SLC19A1: variants seen among roughly 807,000 people sequenced by gnomAD.
The protein encoded by SLC19A1 is solute carrier family 19 member 1.
SLC19A1 carries 37 observed loss-of-function variants against 35.3 expected under a neutral mutation model. The ratio of observed to expected loss-of-function variants is 1.05; its 90% CI spans 0.81 to 1.38. The LOEUF (loss-of-function observed/expected upper bound fraction) is 1.38. Among genes scored for constraint, SLC19A1 ranks in the 40% most tolerant of loss-of-function variants. SLC19A1 has a pLI of 0.00. For missense variants in SLC19A1, 831 were observed against 826.9 expected, an observed-to-expected ratio of 1.00 and a Z score of -0.06; for synonymous variants, 460 against 398.5, an observed-to-expected ratio of 1.15 and a Z score of -1.84.
chr21:45,504,571 G>C lies in SLC19A1; in HGVS notation c.498-5959C>G, dbSNP rs547229026. ...CTGGGATTCCAGTAAGTCCCAGCCT[G>C]TGCAGGCAGAGCCCATGTCCCAGGG... On this transcript the variant is annotated intron_variant, in intron 3 of 4. Coordinates refer to the SLC19A1 transcript ENST00000417954. 1.2e-5 allele frequency: 19 copies of C among 1,564,378 alleles called. No homozygotes were observed. Among genetic ancestry groups the C allele is most frequent in the East Asian group, 2.4e-5 (1 of 41,900 alleles).
intron 1 of SLC19A1, among the ~76,000 whole-genome samples, chr21:45,541,229 C>G (rs867307159): frequency 3.3e-5 from 5 of 152,230 alleles, no homozygotes; most frequent in Admixed American, 6.5e-5. Context: ...GGAAAGAAAG[C>G]AATTAGCAAT....
chr21:45,546,822 C>G (rs2078420768), upstream of SLC19A1, among the ~76,000 whole-genome samples: 1 of 152,158 alleles, frequency 6.6e-6, no homozygotes, highest in Admixed American at 6.5e-5. Flanking sequence ...CAGGAACATC[C>G]TGCGGTCGGA....
chr21:45,558,323 C>T (rs2078583355), intron 1 of SLC19A1, among the ~76,000 whole-genome samples: 1 of 152,250 alleles, frequency 6.6e-6, no homozygotes, highest in Non-Finnish European at 1.5e-5. Flanking sequence ...GCTCTGCAGC[C>T]TGGCCCCAGG....
rs2077832535 is a variant in SLC19A1, at chr21:45,530,475, G to C, written c.1151+295C>G. Among the ~76,000 whole-genome samples the C allele has an allele frequency of 6.6e-6, 1 of 152,132 alleles. No homozygotes were observed. On this transcript the variant is annotated intron_variant, in intron 4 of 5. Coordinates refer to ENST00000311124, the MANE Select transcript of SLC19A1 (RefSeq NM_194255.4). This position sits in a 1 kb window ranked among gnomAD's most constrained non-coding sequence, Gnocchi z 5.3. ...GCAAGCTCCCGCTCCTGCCTGGATG[G>C]GGTCTCAGCAGCCCGGGGCCTAGAG...
At chr21:45,527,391 G>A (rs2077668970) in intron 4 of SLC19A1, among the ~76,000 whole-genome samples, 1 of 149,812 alleles carries the variant, frequency 6.7e-6, no homozygotes, top group South Asian at 2.1e-4. Context: ...GTGGCAGCAG[G>A]TTAGGACGGG....
intron 1 of SLC19A1, among the ~76,000 whole-genome samples, chr21:45,557,722 C>T (rs1407107073): frequency 6.6e-6 from 1 of 152,126 alleles, no homozygotes; most frequent in Non-Finnish European, 1.5e-5. Flanking sequence ...CTCTCTTGGA[C>T]CGTGTCCTGC....
rs772742675 is a variant in SLC19A1 at position 45,537,893 on chromosome 21, G to A, written c.67C>T (p.Arg23Trp). ...TAGCACACGAGGTGCCGCCAGGACC[G>A]GAGCTCGGGGTCAGGCCCAGGTTCC... is the stretch of plus-strand genomic sequence containing the variant. ...PVEPGPDPELRSWRHLVCYLC... is the reference protein window; with the variant it reads ...PVEPGPDPELWSWRHLVCYLC... The change falls in exon 2 of 6, where the codon CGG becomes TGG. Residue 23 changes from arginine (R) to tryptophan (W), a missense_variant. Physicochemically the swap from Arg to Trp is moderately radical, Grantham distance 101 (BLOSUM62 -3). Transcript: ENST00000311124. 1.7e-5 allele frequency: 27 copies of A among 1,598,558 alleles called. No individual in the cohort carries two copies. The highest frequency in any genetic ancestry group is 3.4e-5 in the South Asian group (3 of 88,920).
chr21:45,512,289 A>G (rs758401323), downstream of SLC19A1: 2 of 1,612,040 alleles, frequency 1.2e-6, no homozygotes, highest in Admixed American at 3.3e-5. Context: ...GCCACGGGCC[A>G]GGCCTCCTCG....
chr21:45,548,457 A>C (rs2078434453), upstream of SLC19A1, among the ~76,000 whole-genome samples: 1 of 152,200 alleles, frequency 6.6e-6, no homozygotes. Context: ...AAAACACACA[A>C]AAGAGGCCGG....
At chr21:45,552,541 C>G (rs147683854) in intron 1 of SLC19A1, among the ~76,000 whole-genome samples, 4 of 152,232 alleles carry the variant, frequency 2.6e-5, no homozygotes, top group African/African-American at 7.2e-5. Context: ...TACCCAGGCC[C>G]GGGTCTCGGG....
chr21:45,530,934 G>C lies in SLC19A1; in HGVS notation c.987C>G (p.Ile329Met), dbSNP rs1181594712. Residue 329 changes from isoleucine to methionine, a missense_variant, in exon 4 of 6, where the codon ATC becomes ATG. Physicochemically the swap from Ile to Met is conservative, Grantham distance 10. Coordinates refer to ENST00000311124, the MANE Select transcript of SLC19A1 (RefSeq NM_194255.4). The surrounding 1 kb of genome is among the most constrained non-coding windows in gnomAD (Gnocchi z 5.3). Reference protein sequence around the residue: ...ITSFAAGFVKIRWARWSKLLI... With the variant: ...ITSFAAGFVKMRWARWSKLLI... ...GCAGCTTGGACCAGCGCGCCCAGCG[G>C]ATCTTCACGAAGCCCGCGGCGAAGG... 1.4e-6 allele frequency: 2 copies of C among 1,452,854 alleles called. No individual in the cohort carries two copies. The highest frequency in any genetic ancestry group is 1.5e-5 in the African/African-American group (1 of 66,592). 90.0% of individuals were successfully genotyped at this position (1,452,854 alleles called of 1,614,324 possible).
chr21:45,550,885 G>A (rs1475812817), intron 1 of SLC19A1, among the ~76,000 whole-genome samples: 1 of 114,484 alleles, frequency 8.7e-6, no homozygotes, highest in African/African-American at 3.6e-5. Context: ...CCGCCTTTCT[G>A]TCCCCTTCCC....
chr21:45,529,783 T>C (rs1258351567), intron 4 of SLC19A1, among the ~76,000 whole-genome samples: 1 of 151,262 alleles, frequency 6.6e-6, no homozygotes, highest in Admixed American at 6.6e-5. Flanking sequence ...CATGTGAGTG[T>C]GGTGTATCCA....
intron 5 of SLC19A1, 152 bp downstream of exon 5, chr21:45,525,665 G>C: frequency 1.3e-6 from 1 of 775,738 alleles, no homozygotes; most frequent in Non-Finnish European, 2.0e-6. Flanking sequence ...TCCTGCTCTC[G>C]CTGGCCTGGT....
At chr21:45,510,954 A>ACACATCCACAACC (rs2037548187), downstream of SLC19A1, among the ~76,000 whole-genome samples, 3 of 6,286 alleles carry the variant, frequency 4.8e-4, no homozygotes, top group African/African-American at 1.6e-3. Context: ...CACCCACAAC[A>ACACATCCACAACC]CCCCACATAC....
At chr21:45,507,643 G>A (rs1176376805), downstream of SLC19A1, 9 of 1,555,922 alleles carry the variant, frequency 5.8e-6, no homozygotes, top group Non-Finnish European at 7.1e-6. Context: ...GGACATGAGG[G>A]GGTATGTGCT....
chr21:45,521,730 T>G (rs7278430), intron 5 of SLC19A1, among the ~76,000 whole-genome samples: 1 of 152,190 alleles, frequency 6.6e-6, no homozygotes, highest in East Asian at 1.9e-4. Flanking sequence ...GCCCAACTTT[T>G]GACAAAGGTG....
chr21:45,512,558 C>CAAAG, downstream of SLC19A1: 1 of 693,190 alleles, frequency 1.4e-6, no homozygotes, highest in Non-Finnish European at 2.4e-6. Flanking sequence ...AAAAGGAAGC[C>CAAAG]AAAGAGTGTA....
At position 45,530,992 on chromosome 21, in the gene SLC19A1, C is replaced by A. The variant is rs2077866406; in HGVS notation, c.950-21G>T. The A allele has an allele frequency of 9.4e-7, 1 of 1,067,932 alleles. No homozygotes were observed. The highest frequency in any genetic ancestry group is 2.1e-5 in the South Asian group (1 of 47,366). The allele number at this position is 1,067,932 out of a possible 1,614,324, so 66.2% of individuals were successfully genotyped here. ...GGCGCCTGAGAGGGGAGGGATGGGG[C>A]GTTGCAGCGGCCCTGGGGGGCCACG... On this transcript the variant is annotated intron_variant, in intron 3 of 5. Coordinates refer to ENST00000311124, the MANE Select transcript of SLC19A1 (RefSeq NM_194255.4). The surrounding 1 kb of genome is among the most constrained non-coding windows in gnomAD (Gnocchi z 5.3).
Sources: gnomAD v4.1 joint callset for allele counts (sites outside exome capture counted in the v4.1 genomes callset) on GRCh38, gnomAD v4.1.1 for gene constraint, Gnocchi (gnomAD v3.1) non-coding constraint, MANE v1.5 for transcripts, NCBI Gene and HGNC (gene_info 2026-07-23, HGNC 2026-07-21) for gene names.